TCF4: variants seen among roughly 807,000 people sequenced by gnomAD.
The protein encoded by TCF4 is transcription factor 4.
Under a neutral mutation model 82.1 loss-of-function variants are expected in TCF4, and 3 were observed. That is an observed-to-expected ratio of 0.04 (90% CI 0.02 to 0.09). The LOEUF (loss-of-function observed/expected upper bound fraction) is 0.09, where lower values mean the gene tolerates loss of function less well. Ranked by LOEUF, TCF4 falls within the 10% of genes least tolerant of loss-of-function variation. TCF4 has a pLI of 1.00. For missense variants in TCF4, 518 were observed against 852.7 expected, an observed-to-expected ratio of 0.61 and a Z score of 4.89; for synonymous variants, 276 against 309.6, an observed-to-expected ratio of 0.89 and a Z score of 1.14.
Position 55,596,279 on chromosome 18 carries a change from G to A in TCF4, c.287-9143C>T, listed in dbSNP as rs551833550. Reference sequence around the variant, plus strand: ...TTCATTGCATTGGCTGTCACTTAAAGCTATGGCACATGTCACTGAGCTGTA... The same window carrying A: ...TTCATTGCATTGGCTGTCACTTAAAACTATGGCACATGTCACTGAGCTGTA... On this transcript the variant is annotated intron_variant, in intron 2 of 20. Coordinates refer to the TCF4 transcript ENST00000398339. 1.0e-4 allele frequency: 31 copies of A among 306,708 alleles called. 1 individual carries two copies. In the Admixed American group the frequency reaches 1.5e-3, roughly 14 times the overall value. 19.0% of individuals were successfully genotyped at this position (306,708 alleles called of 1,614,324 possible).
intron 1 of TCF4, among the ~76,000 whole-genome samples, chr18:55,632,940 A>G (rs908414085): frequency 1.3e-5 from 2 of 152,152 alleles, no homozygotes; most frequent in African/African-American, 4.8e-5. Context: ...TGGAATAGGT[A>G]GTTATATATG....
At chr18:55,327,316 A>G (rs1268479007) in intron 8 of TCF4, among the ~76,000 whole-genome samples, 1 of 152,132 alleles carries the variant, frequency 6.6e-6, no homozygotes, top group Non-Finnish European at 1.5e-5. Context: ...AGTCAGATAA[A>G]GCACAAATCA....
At chr18:55,241,566 G>C (rs574881024) in intron 15 of TCF4, among the ~76,000 whole-genome samples, 14 of 152,338 alleles carry the variant, frequency 9.2e-5, no homozygotes, top group Non-Finnish European at 1.6e-4. Flanking sequence ...TGAAGTGCAA[G>C]CATACCTGTG....
In TCF4 at chr18:55,260,044, G is replaced by GAAA; in HGVS notation, c.991-20_991-18dup. The GAAA allele has an allele frequency of 7.0e-7, 1 of 1,433,600 alleles. No homozygotes were observed. The highest frequency in any genetic ancestry group is 9.5e-7 in the Non-Finnish European group (1 of 1,049,272). The allele number at this position is 1,433,600 out of a possible 1,614,324, so 88.8% of individuals were successfully genotyped here. ...AGAATAGATCTTAAAACAATAAGGA[G>GAAA]AAAAAAAAAACACCCTCATTCATTA... On this transcript the variant is annotated splice_polypyrimidine_tract_variant and intron_variant, in intron 12 of 19. Coordinates refer to ENST00000354452, the MANE Select transcript of TCF4 (RefSeq NM_001083962.2).
At chr18:55,334,592 C>A (rs2078256391) in intron 8 of TCF4, among the ~76,000 whole-genome samples, 1 of 152,074 alleles carries the variant, frequency 6.6e-6, no homozygotes, top group Non-Finnish European at 1.5e-5. Context: ...GTGCCTTCAC[C>A]TTTCTAGAAA....
chr18:55,394,273 C>A (rs1195004673), intron 6 of TCF4, among the ~76,000 whole-genome samples: 2 of 152,166 alleles, frequency 1.3e-5, no homozygotes, highest in South Asian at 4.1e-4. Context: ...CACAGAGACC[C>A]CCCCATGTAC....
chr18:55,271,761 T>G (rs1289848774), intron 10 of TCF4, among the ~76,000 whole-genome samples: 1 of 152,024 alleles, frequency 6.6e-6, no homozygotes, highest in Non-Finnish European at 1.5e-5. Flanking sequence ...ATGAAAAATA[T>G]AGTGGGCCCA....
chr18:55,395,802 C>A (rs938774282), intron 6 of TCF4, among the ~76,000 whole-genome samples: 1 of 152,166 alleles, frequency 6.6e-6, no homozygotes, highest in African/African-American at 2.4e-5. Flanking sequence ...AAAGTGTTCA[C>A]GCTGTTGCTA....
chr18:55,505,597 G>A lies in TCF4; in HGVS notation c.146-41460C>T, dbSNP rs377432795. On this transcript the variant is annotated intron_variant, in intron 3 of 19. Coordinates refer to ENST00000354452, the MANE Select transcript of TCF4 (RefSeq NM_001083962.2). ...AGGCGGGCGGATCACGAGGTCAGGA[G>A]ATCGAGACCATCCCGGCTAAAACGG... is the stretch of plus-strand genomic sequence containing the variant. 9.2e-5 allele frequency among the ~76,000 whole-genome samples: 14 copies of A among 151,978 alleles called. No homozygotes were observed. The East Asian group carries it at 1.4e-3, about 15-fold the overall frequency.
intron 2 of TCF4, among the ~76,000 whole-genome samples, chr18:55,594,513 G>C (rs535661384): frequency 6.6e-6 from 1 of 152,248 alleles, no homozygotes; most frequent in South Asian, 2.1e-4. Flanking sequence ...GTACCCTCAA[G>C]ATGCACACTT....
intron 11 of TCF4, among the ~76,000 whole-genome samples, chr18:55,264,130 CT>C (rs1294343951): frequency 6.6e-6 from 1 of 152,168 alleles, no homozygotes; most frequent in Non-Finnish European, 1.5e-5. Flanking sequence ...TATGACCAAT[CT>C]GATTTCTTTA....
At chr18:55,511,331 T>TAAAAAAAAAAA (rs59685050) in intron 3 of TCF4, among the ~76,000 whole-genome samples, 3 of 131,382 alleles carry the variant, frequency 2.3e-5, no homozygotes, top group Admixed American at 7.9e-5. Flanking sequence ...TCCAAAAGTT[T>TAAAAAAAAAAA]AAAAAAAAAA....
chr18:55,523,815 A>T (rs1022645794), intron 3 of TCF4, among the ~76,000 whole-genome samples: 5 of 152,046 alleles, frequency 3.3e-5, no homozygotes, highest in Admixed American at 6.6e-5. Flanking sequence ...CAATTTTTTT[A>T]AAAAAATAGC....
At chr18:55,534,102 T>A (rs1314669015) in intron 3 of TCF4, among the ~76,000 whole-genome samples, 3 of 152,214 alleles carry the variant, frequency 2.0e-5, no homozygotes, top group Non-Finnish European at 4.4e-5. Flanking sequence ...CTTACACACA[T>A]GGGCTAAAGG....
At chr18:55,560,955 A>C (rs1158816302) in intron 3 of TCF4, among the ~76,000 whole-genome samples, 1 of 152,260 alleles carries the variant, frequency 6.6e-6, no homozygotes, top group Non-Finnish European at 1.5e-5. Flanking sequence ...TTCCCAAAGC[A>C]TTCCATGGTT....
At chr18:55,239,268 G>A (rs968228493) in intron 15 of TCF4, among the ~76,000 whole-genome samples, 3 of 152,292 alleles carry the variant, frequency 2.0e-5, no homozygotes, top group Non-Finnish European at 2.9e-5. Context: ...CTTAGACGTC[G>A]AGGGCTTGGA....
intron 5 of TCF4, among the ~76,000 whole-genome samples, chr18:55,433,525 C>A (rs2095256698): frequency 1.3e-5 from 2 of 152,186 alleles, no homozygotes; most frequent in Non-Finnish European, 2.9e-5. Flanking sequence ...GACAAGTAAG[C>A]TTTATATTTG....
chr18:55,321,041 T>C lies in TCF4; in HGVS notation c.549+29318A>G, dbSNP rs1444946608. On this transcript the variant is annotated intron_variant, in intron 8 of 19. Transcript: ENST00000354452. ...CAAATAACTTATGACAATACTGTTA[T>C]ATGCATGAATGAACCCGTTTGTTTT... is the stretch of plus-strand genomic sequence containing the variant. Among the ~76,000 whole-genome samples the C allele has an allele frequency of 4.6e-5, 7 of 152,364 alleles. No homozygotes were observed. The East Asian group carries it at 9.6e-4, about 21-fold the overall frequency.
intron 3 of TCF4, among the ~76,000 whole-genome samples, chr18:55,527,842 C>A (rs558515871): frequency 1.3e-5 from 2 of 152,154 alleles, no homozygotes; most frequent in African/African-American, 4.8e-5. Context: ...GAAAAGTGGT[C>A]AAAAACGTAT....
Sources: gnomAD v4.1 joint callset for allele counts (sites outside exome capture counted in the v4.1 genomes callset) on GRCh38, gnomAD v4.1.1 for gene constraint, MANE v1.5 for transcripts, NCBI Gene and HGNC (gene_info 2026-07-23, HGNC 2026-07-21) for gene names.